Variants in DMD observed in about 807,000 individuals in gnomAD.
The protein encoded by DMD is dystrophin, also known as mutant dystrophin.
DMD carries 63 observed loss-of-function variants against 330.1 expected under a neutral mutation model. The observed-to-expected ratio is 0.19, with a 90% CI of 0.16 to 0.24. The LOEUF is 0.24. DMD is among the 10% of genes least tolerant of loss of function. The pLI is 1.00. For missense variants in DMD, 3,344 were observed against 2,684.1 expected, an observed-to-expected ratio of 1.25 and a Z score of -5.43; for synonymous variants, 1,223 against 959.8, an observed-to-expected ratio of 1.27 and a Z score of -5.07.
rs894413578 is a variant in DMD, at chrX:31,925,510, G to A, written c.6912+4086C>T. On this transcript the variant is annotated intron_variant, in intron 47 of 78. Coordinates refer to ENST00000357033, the MANE Select transcript of DMD (RefSeq NM_004006.3). ...ACTGGGATTAACGGGGTCAGGGAAG[G>A]AGAGCAGAAGAGAATGTGTTACATA... 2.7e-5 allele frequency among the ~76,000 whole-genome samples: 3 copies of A among 111,791 alleles called. No homozygotes were observed. In the East Asian group the frequency reaches 8.4e-4, roughly 31 times the overall value.
intron 21 of DMD, among the ~76,000 whole-genome samples, chrX:32,474,711 A>AT (rs1414622024): frequency 9.1e-6 from 1 of 109,917 alleles, no homozygotes; most frequent in Non-Finnish European, 1.9e-5. Context: ...ATGGGATTGT[A>AT]TTTTTCTTAC....
intron 44 of DMD, among the ~76,000 whole-genome samples, chrX:32,204,975 C>CCTCTCTCTCT (rs1453764947): frequency 4.3e-5 from 1 of 23,346 alleles, no homozygotes. Flanking sequence ...ACATCCAAGC[C>CCTCTCTCTCT]ATCTCTCTCT....
At chrX:33,228,728 A>G (rs1444877750) in intron 1 of DMD, among the ~76,000 whole-genome samples, 2 of 104,327 alleles carry the variant, frequency 1.9e-5, no homozygotes, top group Non-Finnish European at 3.9e-5. Context: ...TTTTTTTGAG[A>G]CAGGGTCTCA....
chrX:32,169,884 A>G (rs1422854180), intron 44 of DMD, among the ~76,000 whole-genome samples: 1 of 111,200 alleles, frequency 9.0e-6, no homozygotes, highest in Non-Finnish European at 1.9e-5. Context: ...TAATGTGCAT[A>G]TTATTTTTTG....
At chrX:32,668,273 C>G (rs1235789792) in intron 9 of DMD, among the ~76,000 whole-genome samples, 1 of 112,309 alleles carries the variant, frequency 8.9e-6, no homozygotes, top group Non-Finnish European at 1.9e-5. Flanking sequence ...AATCACATTT[C>G]ATTGTTAAAC....
intron 59 of DMD, among the ~76,000 whole-genome samples, chrX:31,472,263 G>A (rs1486096919): frequency 8.9e-6 from 1 of 112,158 alleles, no homozygotes; most frequent in African/African-American, 3.2e-5. Context: ...GGATCGCCCT[G>A]TTCATGTTGG....
chrX:32,659,753 G>A (rs2060824050), intron 9 of DMD, among the ~76,000 whole-genome samples: 1 of 110,649 alleles, frequency 9.0e-6, no homozygotes, highest in Admixed American at 9.7e-5. Flanking sequence ...CCATGACAGA[G>A]CAGGGACAAG....
At chrX:32,403,846 C>G (rs1023260101) in intron 30 of DMD, among the ~76,000 whole-genome samples, 1 of 111,669 alleles carries the variant, frequency 9.0e-6, no homozygotes, top group African/African-American at 3.2e-5. Context: ...CCATTTTTTT[C>G]TTCTTTGACT....
rs898815431 is a variant in DMD, at chrX:32,767,635, G to A, written c.649+41858C>T. The stretch of plus-strand genomic sequence containing the variant: ...CACTTAGTGTTTGATCAGGAACAAA[G>A]CATCTAATTACTTGGAGCCCATTTT... On this transcript the variant is annotated intron_variant, in intron 7 of 78. Coordinates refer to ENST00000357033, the MANE Select transcript of DMD (RefSeq NM_004006.3). Among the ~76,000 whole-genome samples, 3 of 111,562 alleles carry A rather than the reference G, an allele frequency of 2.7e-5. No individual in the cohort carries two copies. In the East Asian group the frequency reaches 8.5e-4, roughly 32 times the overall value.
chrX:32,541,106 G>GA (rs2048441616), intron 17 of DMD, among the ~76,000 whole-genome samples: 1 of 111,843 alleles, frequency 8.9e-6, no homozygotes, highest in Non-Finnish European at 1.9e-5. Flanking sequence ...ATAAGGAAAA[G>GA]AAAGTAGAAG....
chrX:31,902,473 T>C (rs1415007921), intron 47 of DMD, among the ~76,000 whole-genome samples: 2 of 111,689 alleles, frequency 1.8e-5, no homozygotes, highest in East Asian at 2.8e-4. Context: ...AGCTAATGTA[T>C]AGGAAATACT....
At chrX:32,771,503 T>TACACACACACACAC (rs754545800) in intron 7 of DMD, among the ~76,000 whole-genome samples, 1,699 of 105,746 alleles carry the variant, frequency 0.016, 50 homozygotes, top group African/African-American at 0.056. Context: ...ATTTTGTTAA[T>TACACACACACACAC]ACACACACAC....
Position 32,537,590 on chromosome X carries a change from A to C in DMD, c.2168+7569T>G, listed in dbSNP as rs2048104543. ...TGAAGAGTGACCTTTGGAGCTGGCAATTAAGGAGCTCTCTGGCGACCTTGC... is the reference window on the plus strand; with the variant it reads ...TGAAGAGTGACCTTTGGAGCTGGCACTTAAGGAGCTCTCTGGCGACCTTGC... On this transcript the variant is annotated intron_variant, in intron 17 of 78. Coordinates refer to ENST00000357033, the MANE Select transcript of DMD (RefSeq NM_004006.3). Among the ~76,000 whole-genome samples, 3 of 111,570 alleles carry C rather than the reference A, an allele frequency of 2.7e-5. No individual in the cohort carries two copies. In the South Asian group the frequency reaches 1.1e-3, roughly 42 times the overall value.
intron 44 of DMD, among the ~76,000 whole-genome samples, chrX:31,971,126 T>A (rs1312101863): frequency 8.9e-6 from 1 of 111,890 alleles, no homozygotes; most frequent in Admixed American, 9.5e-5. Flanking sequence ...TCCTACAAAC[T>A]TCAAAAAAAT....
At position 31,606,518 on chromosome X, in the gene DMD, T is replaced by A. The variant is rs754803052; in HGVS notation, c.8217+21155A>T. Among the ~76,000 whole-genome samples, 16 of 111,602 alleles carry A rather than the reference T, an allele frequency of 1.4e-4. No homozygotes were observed. The South Asian group carries it at 6.0e-3, about 42-fold the overall frequency. ...TACATAATATCACAACACAGTTGCT[T>A]TCGTTATAAAATAAAGTAACATGTA... On this transcript the variant is annotated intron_variant, in intron 55 of 78. Coordinates refer to ENST00000357033, the MANE Select transcript of DMD (RefSeq NM_004006.3).
chrX:32,266,024 A>G (rs2097342963), intron 43 of DMD, among the ~76,000 whole-genome samples: 1 of 111,520 alleles, frequency 9.0e-6, no homozygotes, highest in Non-Finnish European at 1.9e-5. Context: ...GGGAGGGGCC[A>G]GGGATGAAAT....
chrX:31,453,305 G>C (rs2065898081), intron 59 of DMD, among the ~76,000 whole-genome samples: 2 of 111,048 alleles, frequency 1.8e-5, no homozygotes, highest in Admixed American at 1.9e-4. Context: ...GGGATTACAG[G>C]TGTGCACCAC....
At chrX:31,837,301 A>G (rs2093222114) in intron 48 of DMD, among the ~76,000 whole-genome samples, 1 of 111,967 alleles carries the variant, frequency 8.9e-6, no homozygotes, top group African/African-American at 3.2e-5. Context: ...TCCAAAGGGT[A>G]AACACTTAAA....
intron 12 of DMD, among the ~76,000 whole-genome samples, chrX:32,604,756 A>G (rs1404160944): frequency 9.2e-6 from 1 of 109,204 alleles, no homozygotes; most frequent in African/African-American, 3.3e-5. Context: ...CTATACACCA[A>G]TAATGATCAA....
Sources: gnomAD v4.1 joint callset for allele counts (sites outside exome capture counted in the v4.1 genomes callset) on GRCh38, gnomAD v4.1.1 for gene constraint, MANE v1.5 for transcripts, NCBI Gene and HGNC (gene_info 2026-07-23, HGNC 2026-07-21) for gene names.